The following XDH variants were observed in gnomAD, a reference collection of about 807,000 sequenced individuals.
XDH encodes the protein xanthine dehydrogenase.
In XDH, 138 loss-of-function variants were observed where a neutral mutation model predicts 156.1. That is an observed-to-expected ratio of 0.88 (90% CI 0.77 to 1.02). The LOEUF (loss-of-function observed/expected upper bound fraction) is 1.02. XDH is among the 50% of genes least tolerant of loss of function. XDH has a pLI of 0.00. For missense variants in XDH, 1,849 were observed against 1,684.9 expected (o/e 1.10, Z -1.71); for synonymous variants, 669 against 625.7 (o/e 1.07, Z -1.03).
At chr2:31,386,279 G>A in intron 9 of XDH, 135 bp downstream of exon 9, 1 of 1,214,722 alleles carries the variant, frequency 8.2e-7, no homozygotes, top group South Asian at 1.4e-5. Context: ...TTTCCAGTGG[G>A]CTCCAGGTAG....
At chr2:31,402,187 A>G (rs192080841) in intron 3 of XDH, among the ~76,000 whole-genome samples, 79 of 152,280 alleles carry the variant, frequency 5.2e-4, no homozygotes, top group Middle Eastern at 3.4e-3. Flanking sequence ...CGATCAACCA[A>G]TCAGAAGTAG....
intron 6 of XDH, among the ~76,000 whole-genome samples, chr2:31,391,020 G>T (rs915405964): frequency 6.6e-6 from 1 of 152,144 alleles, no homozygotes; most frequent in African/African-American, 2.4e-5. Context: ...TATGGATCAT[G>T]CCTTTGGTGT....
At chr2:31,378,791 C>A (rs1686350622) in intron 13 of XDH, among the ~76,000 whole-genome samples, 1 of 151,882 alleles carries the variant, frequency 6.6e-6, no homozygotes, top group Non-Finnish European at 1.5e-5. Context: ...AATGACCATA[C>A]CTGGCAAATA....
rs149463436 is a variant in XDH at position 31,337,312 on chromosome 2, A to G, written c.3951+329T>C. Among the ~76,000 whole-genome samples, 17 of 152,280 alleles carry G rather than the reference A, an allele frequency of 1.1e-4. No individual in the cohort carries two copies. The East Asian group carries it at 3.3e-3, about 29-fold the overall frequency. The stretch of plus-strand genomic sequence containing the variant: ...AAAAAAATGCTAGCGACTGACTCAT[A>G]CTAAAGATTAGGCTCTCTGGAGTTT... On this transcript the variant is annotated intron_variant, in intron 35 of 35. Coordinates refer to ENST00000379416, the MANE Select transcript of XDH (RefSeq NM_000379.4).
intron 24 of XDH, among the ~76,000 whole-genome samples, chr2:31,354,200 A>G (rs1289639620): frequency 3.3e-5 from 5 of 152,230 alleles, no homozygotes; most frequent in Admixed American, 2.6e-4. Flanking sequence ...GAAGATCAAG[A>G]TTTCTACCTC....
At position 31,400,340 on chromosome 2, in the gene XDH, G is replaced by A. The variant is rs45448497; in HGVS notation, c.306+880C>T. Among the ~76,000 whole-genome samples, 26 of 148,246 alleles carry A rather than the reference G, an allele frequency of 1.8e-4. 1 individual carries two copies. The highest frequency in any genetic ancestry group is 1.4e-3 in the Admixed American group (20 of 14,532). ...TGCAAGCTCCATCTCCCAGGTTCACGCCATTCTCCTGCCTCAGCCTCCTGA... is the reference window on the plus strand; with the variant it reads ...TGCAAGCTCCATCTCCCAGGTTCACACCATTCTCCTGCCTCAGCCTCCTGA... On this transcript the variant is annotated intron_variant, in intron 4 of 35. Coordinates refer to ENST00000379416, the MANE Select transcript of XDH (RefSeq NM_000379.4).
chr2:31,395,964 C>T (rs572822557), intron 6 of XDH, among the ~76,000 whole-genome samples: 125 of 152,308 alleles, frequency 8.2e-4, no homozygotes, highest in African/African-American at 2.9e-3. Context: ...GGTCACTTCT[C>T]GCCGTGAGCA....
intron 6 of XDH, among the ~76,000 whole-genome samples, chr2:31,392,426 T>G (rs953408072): frequency 6.6e-6 from 1 of 151,722 alleles, no homozygotes; most frequent in African/African-American, 2.4e-5. Context: ...ATTATTTATT[T>G]ATTTATTTAT....
At chr2:31,374,915 T>C (rs907765655) in intron 15 of XDH, among the ~76,000 whole-genome samples, 1 of 151,958 alleles carries the variant, frequency 6.6e-6, no homozygotes, top group African/African-American at 2.4e-5. Flanking sequence ...TTCCACGGCC[T>C]CCTGGCTATT....
At position 31,346,900 on chromosome 2, in the gene XDH, A is replaced by G. The variant is rs921153963; in HGVS notation, c.3277-57T>C. ...ATCAGTCCTCTGCATTCTGTAGCCCAGGCAAAACCCGAGGGCCCCAGCAAG... is the reference window on the plus strand; with the variant it reads ...ATCAGTCCTCTGCATTCTGTAGCCCGGGCAAAACCCGAGGGCCCCAGCAAG... On this transcript the variant is annotated intron_variant, in intron 29 of 35. Transcript: ENST00000379416. 2.5e-6 allele frequency: 4 copies of G among 1,611,246 alleles called. No homozygotes were observed. The African/African-American group carries it at 4.0e-5, about 16-fold the overall frequency.
chr2:31,367,965 C>G lies in XDH; in HGVS notation c.2193G>C (p.Val731=), dbSNP rs1558689473. 1 of 1,614,034 alleles carries G rather than the reference C, an allele frequency of 6.2e-7. No homozygotes were observed. The change falls in exon 20 of 36, where the codon GTG becomes GTC. Residue 731 remains valine (V), a synonymous_variant. Coordinates refer to ENST00000379416, the MANE Select transcript of XDH (RefSeq NM_000379.4). The stretch of plus-strand genomic sequence containing the variant: ...TGCGGCATGGAACAGCTCTACCTGA[C>G]ACAACATTATCTGCTTCGGAAAACC... ...KKGFSEADNV[V]SGEIYIGGQE...
At chr2:31,372,983 A>G (rs1057176819) in intron 16 of XDH, among the ~76,000 whole-genome samples, 3 of 152,242 alleles carry the variant, frequency 2.0e-5, no homozygotes, top group Non-Finnish European at 2.9e-5. Flanking sequence ...ATCTCATAAT[A>G]AAGTTCTGTT....
intron 13 of XDH, among the ~76,000 whole-genome samples, chr2:31,377,906 G>A (rs1039500552): frequency 2.6e-5 from 4 of 151,010 alleles, no homozygotes; most frequent in South Asian, 2.1e-4. Flanking sequence ...CTGTGGTCTC[G>A]GCTACTTGGG....
At position 31,337,822 on chromosome 2, in the gene XDH, A is replaced by C. The variant is rs775608170; in HGVS notation, c.3775-5T>G. 3.7e-6 allele frequency: 6 copies of C among 1,613,812 alleles called. No individual in the cohort carries two copies. The African/African-American group carries it at 8.0e-5, about 22-fold the overall frequency. ...GAGGGGCGGCTCTCCAACAGCCTGA[A>C]CACAGACAGGGCACAGGGCAGGGGC... On this transcript the variant is annotated splice_polypyrimidine_tract_variant and splice_region_variant and intron_variant, in intron 34 of 35. Coordinates refer to ENST00000379416, the MANE Select transcript of XDH (RefSeq NM_000379.4).
At chr2:31,343,992 T>A (rs1685213618) in intron 31 of XDH, among the ~76,000 whole-genome samples, 1 of 152,094 alleles carries the variant, frequency 6.6e-6, no homozygotes, top group African/African-American at 2.4e-5. Context: ...ATTCCAAATA[T>A]CTGTGAAAGA....
At chr2:31,395,561 G>C (rs1367723495) in intron 6 of XDH, among the ~76,000 whole-genome samples, 1 of 152,076 alleles carries the variant, frequency 6.6e-6, no homozygotes, top group Non-Finnish European at 1.5e-5. Context: ...GGACCTGGTG[G>C]AGATCCTGGA....
chr2:31,361,389 C>T (rs1685772798), intron 24 of XDH, among the ~76,000 whole-genome samples: 1 of 152,202 alleles, frequency 6.6e-6, no homozygotes, highest in Admixed American at 6.5e-5. Context: ...TTTATTCCAA[C>T]ATTAATTTAT....
chr2:31,396,957 T>C (rs914344399), intron 6 of XDH, among the ~76,000 whole-genome samples: 1 of 152,160 alleles, frequency 6.6e-6, no homozygotes, highest in Admixed American at 6.5e-5. Context: ...AGTCTGTAAC[T>C]CCCCTGGACC....
chr2:31,407,785 A>G lies in XDH; in HGVS notation c.43-1821T>C, dbSNP rs1687232263. On this transcript the variant is annotated intron_variant, in intron 1 of 35. Coordinates refer to ENST00000379416, the MANE Select transcript of XDH (RefSeq NM_000379.4). ...ATTGACTAAGAGTAATAAAAAGTTC[A>G]TGAAACTGCCAGAATTTGTCCTTTG... Among the ~76,000 whole-genome samples, 4 of 152,232 alleles carry G rather than the reference A, an allele frequency of 2.6e-5. No homozygotes were observed. In the South Asian group the frequency reaches 8.3e-4, roughly 32 times the overall value.
Sources: allele counts gnomAD v4.1 joint callset (sites outside exome capture counted in the v4.1 genomes callset), GRCh38; gene constraint gnomAD v4.1.1; transcripts MANE v1.5; gene names NCBI Gene and HGNC (gene_info 2026-07-23, HGNC 2026-07-21).